The following SLIT3 variants were observed in gnomAD, a reference collection of about 807,000 sequenced individuals.
SLIT3 encodes the protein slit homolog 3 protein.
In SLIT3, 68 loss-of-function variants were observed where a neutral mutation model predicts 184.0. That is an observed-to-expected ratio of 0.37 (90% confidence interval 0.30 to 0.45). The LOEUF (loss-of-function observed/expected upper bound fraction) is 0.45, where lower values mean the gene tolerates loss of function less well. Ranked by LOEUF, SLIT3 falls within the 20% of genes least tolerant of loss-of-function variation. The pLI is 1.00. For missense variants in SLIT3, 1,707 were observed against 2,026.0 expected (o/e 0.84, Z 3.02); for synonymous variants, 831 against 828.6 (o/e 1.00, Z -0.05).
At chr5:169,247,790 A>G (rs566261308) in intron 2 of SLIT3, among the ~76,000 whole-genome samples, 5 of 152,182 alleles carry the variant, frequency 3.3e-5, no homozygotes, top group Non-Finnish European at 5.9e-5. Context: ...GGGGACATAG[A>G]GACAGGGTTT....
At chr5:168,804,310 CAAAAAAAAAAA>C (rs770650322) in intron 9 of SLIT3, among the ~76,000 whole-genome samples, 12 of 52,356 alleles carry the variant, frequency 2.3e-4, no homozygotes, top group Non-Finnish European at 9.5e-5. Flanking sequence ...AACTCTTTCT[CAAAAAAAAAAA>C]AAAAAAAAAA....
intron 4 of SLIT3, among the ~76,000 whole-genome samples, chr5:168,934,698 G>A (rs1049862979): frequency 2.0e-5 from 3 of 152,142 alleles, no homozygotes; most frequent in Non-Finnish European, 4.4e-5. Context: ...GAGCACTTCT[G>A]CAAAGGTCTG....
In SLIT3 at chr5:168,692,690, G is replaced by T; in HGVS notation, c.3093C>A (p.Cys1031Ter). The change falls in exon 29 of 36, where the codon TGC (cysteine) becomes TGA (stop). Residue 1031 changes from cysteine to a stop codon, truncating the protein, a stop_gained. Transcript: ENST00000519560. LOFTEE classifies it high-confidence loss of function. ...ICPPNYTGELCDEVIDHCVPE... is the reference protein window; with the variant it reads ...ICPPNYTGEL ...GCACACAGTGGTCAATCACCTCGTC[G>T]CATAGCTCACCTGGCACAGATGGGG... 1 of 1,613,450 alleles carries T rather than the reference G, an allele frequency of 6.2e-7. No individual in the cohort carries two copies. The highest frequency in any genetic ancestry group is 8.5e-7 in the Non-Finnish European group (1 of 1,179,498).
At chr5:169,127,959 A>G (rs1317474804) in intron 4 of SLIT3, among the ~76,000 whole-genome samples, 1 of 152,196 alleles carries the variant, frequency 6.6e-6, no homozygotes, top group African/African-American at 2.4e-5. Context: ...AATCTAATAA[A>G]TAAGGAGGGA....
chr5:169,284,072 C>T (rs934851918), intron 1 of SLIT3, among the ~76,000 whole-genome samples: 1 of 152,090 alleles, frequency 6.6e-6, no homozygotes, highest in African/African-American at 2.4e-5. Flanking sequence ...TAAAACAATG[C>T]TGTAAAAAAA....
intron 4 of SLIT3, among the ~76,000 whole-genome samples, chr5:169,032,321 T>G (rs1757056271): frequency 6.6e-6 from 1 of 152,246 alleles, no homozygotes; most frequent in South Asian, 2.1e-4. Flanking sequence ...AACCAAGACT[T>G]TTGTGTCCTT....
At position 168,662,909 on chromosome 5, in the gene SLIT3, AATC is replaced by A. The variant is rs1760918961; in HGVS notation, c.*3542_*3544del. ...TGACTGCTCAAGGAGAGAGCGTTTT[AATC>A]ATCATTTGTTAGAGGAGCCTCATTT... is the stretch of plus-strand genomic sequence containing the variant. On this transcript the variant is annotated 3_prime_UTR_variant, in exon 36 of 36. Transcript: ENST00000519560. 1 of 152,220 alleles carries A rather than the reference AATC, an allele frequency of 6.6e-6. No individual in the cohort carries two copies. Among genetic ancestry groups the A allele is most frequent in the Non-Finnish European group, 1.5e-5 (1 of 68,050 alleles). 9.4% of individuals were successfully genotyped at this position (152,220 alleles called of 1,614,324 possible). A position where few individuals can be genotyped will look rare whatever the true frequency, so the allele number is the denominator to read the frequency against.
At chr5:168,667,846 C>A (rs1334410307) in intron 35 of SLIT3, 2 of 152,188 alleles carry the variant, frequency 1.3e-5, no homozygotes, top group Non-Finnish European at 2.9e-5. Flanking sequence ...AGGTTAATGA[C>A]AATGTGTGCA....
intron 4 of SLIT3, among the ~76,000 whole-genome samples, chr5:169,021,461 C>T (rs145195762): frequency 8.5e-4 from 129 of 152,266 alleles, no homozygotes; most frequent in African/African-American, 2.9e-3. Context: ...AGTGATTCTC[C>T]TGCCTCAGCC....
Position 168,753,858 on chromosome 5 carries a change from A to G in SLIT3, c.1829+6T>C, listed in dbSNP as rs1488212137. On this transcript the variant is annotated splice_donor_region_variant and intron_variant, in intron 17 of 35. Coordinates refer to ENST00000519560, the MANE Select transcript of SLIT3 (RefSeq NM_003062.4). ...TCTTGGCCCAGGCCCCACCCCAGGCACTCACAAGGTTTTGAGGCCACTGAG... is the reference window on the plus strand; with the variant it reads ...TCTTGGCCCAGGCCCCACCCCAGGCGCTCACAAGGTTTTGAGGCCACTGAG... The G allele has an allele frequency of 1.2e-6, 2 of 1,609,162 alleles. No individual in the cohort carries two copies. The highest frequency in any genetic ancestry group is 1.3e-5 in the African/African-American group (1 of 74,806).
chr5:168,992,429 G>A (rs1457180042), intron 4 of SLIT3, among the ~76,000 whole-genome samples: 3 of 152,206 alleles, frequency 2.0e-5, no homozygotes, highest in South Asian at 2.1e-4. Flanking sequence ...TACTTTATGC[G>A]AGGGCTAATT....
chr5:169,101,716 C>A (rs149373903), intron 4 of SLIT3, among the ~76,000 whole-genome samples: 112 of 152,366 alleles, frequency 7.4e-4, no homozygotes, highest in African/African-American at 2.6e-3. Flanking sequence ...CTACCCCTCT[C>A]TGGTCTCATT....
At chr5:169,197,592 G>C (rs532518335) in intron 3 of SLIT3, among the ~76,000 whole-genome samples, 1 of 152,314 alleles carries the variant, frequency 6.6e-6, no homozygotes, top group Admixed American at 6.5e-5. Flanking sequence ...TCTGGGTCCA[G>C]AGGTGGAGAT....
chr5:168,695,141 G>T (rs563496508), intron 28 of SLIT3, among the ~76,000 whole-genome samples: 2 of 152,280 alleles, frequency 1.3e-5, no homozygotes, highest in Admixed American at 1.3e-4. Context: ...CCATCTTCAA[G>T]GATGCTTCTA....
chr5:168,822,240 G>A lies in SLIT3; in HGVS notation c.629+1020C>T, dbSNP rs139672270. Among the ~76,000 whole-genome samples the A allele has an allele frequency of 9.5e-3, 1,450 of 152,240 alleles. 26 individuals are homozygous for A. Among genetic ancestry groups the A allele is most frequent in the African/African-American group, 0.033 (1,391 of 41,542 alleles). On this transcript the variant is annotated intron_variant, in intron 7 of 35. Transcript: ENST00000519560. Reference sequence around the variant, plus strand: ...GAACTTTCAGTCCAGATTTCTGATCGTGTGATAATAATGTAACAATCAATA... The same window carrying A: ...GAACTTTCAGTCCAGATTTCTGATCATGTGATAATAATGTAACAATCAATA...
chr5:168,988,007 T>C (rs1755194371), intron 4 of SLIT3, among the ~76,000 whole-genome samples: 1 of 152,202 alleles, frequency 6.6e-6, no homozygotes, highest in African/African-American at 2.4e-5. Flanking sequence ...GGAATGTGGC[T>C]GGCACCTGTC....
chr5:169,116,395 A>G (rs978082425), intron 4 of SLIT3, among the ~76,000 whole-genome samples: 3 of 152,108 alleles, frequency 2.0e-5, no homozygotes, highest in Non-Finnish European at 2.9e-5. Context: ...ATACAATGTT[A>G]GGACTTCATC....
Position 168,962,144 on chromosome 5 carries a change from G to A in SLIT3, c.414-78808C>T, listed in dbSNP as rs534607214. Among the ~76,000 whole-genome samples, 11 of 152,220 alleles carry A rather than the reference G, an allele frequency of 7.2e-5. No homozygotes were observed. The East Asian group carries it at 9.7e-4, about 13-fold the overall frequency. On this transcript the variant is annotated intron_variant, in intron 4 of 35. Transcript: ENST00000519560. ...TGGGCAGCTTCTGTACCCATGGGTG[G>A]GGGTGGGAGTGGGCTTCAATGTCCC... is the stretch of plus-strand genomic sequence containing the variant.
At chr5:169,157,239 G>T (rs967210459) in intron 4 of SLIT3, among the ~76,000 whole-genome samples, 3 of 150,926 alleles carry the variant, frequency 2.0e-5, no homozygotes, top group African/African-American at 2.5e-5. Flanking sequence ...ACAGATAAAA[G>T]GTACCCCTCC....
Sources: gnomAD v4.1 joint callset for allele counts (sites outside exome capture counted in the v4.1 genomes callset) on GRCh38, gnomAD v4.1.1 for gene constraint, MANE v1.5 for transcripts, NCBI Gene and HGNC (gene_info 2026-07-23, HGNC 2026-07-21) for gene names.